SIPA1: variants seen among roughly 807,000 people sequenced by gnomAD.
SIPA1 encodes signal-induced proliferation-associated protein 1.
A neutral mutation model predicts 88.1 loss-of-function variants in SIPA1; 51 were observed. The ratio of observed to expected loss-of-function variants is 0.58; its 90% CI spans 0.46 to 0.73. SIPA1 has a LOEUF of 0.73. SIPA1 is among the 30% of genes least tolerant of loss of function. SIPA1 has a pLI of 0.00. For missense variants in SIPA1, 1,348 were observed against 1,467.6 expected, an observed-to-expected ratio of 0.92 and a Z score of 1.33; for synonymous variants, 681 against 664.8, an observed-to-expected ratio of 1.02 and a Z score of -0.37.
intron 4 of SIPA1, among the ~76,000 whole-genome samples, chr11:65,643,413 T>A (rs1364844338): frequency 6.6e-6 from 1 of 152,240 alleles, no homozygotes; most frequent in East Asian, 1.9e-4. Context: ...GCCCATTGGC[T>A]GAGTCTTCTC....
intron 4 of SIPA1, among the ~76,000 whole-genome samples, chr11:65,643,779 A>T (rs565150656): frequency 6.6e-6 from 1 of 151,236 alleles, no homozygotes; most frequent in East Asian, 1.9e-4. Flanking sequence ...ATGGCACATT[A>T]GGCAGTCAGT....
chr11:65,647,673 G>T lies in SIPA1; in HGVS notation c.2306+15G>T. 1 of 1,336,758 alleles carries T rather than the reference G, an allele frequency of 7.5e-7. No individual in the cohort carries two copies. Among genetic ancestry groups the T allele is most frequent in the South Asian group, 1.7e-5 (1 of 58,302 alleles). The allele number at this position is 1,336,758 out of a possible 1,614,324, so 82.8% of individuals were successfully genotyped here. The stretch of plus-strand genomic sequence containing the variant: ...CGGCCCCGCAGGTCAGGGTGCCGGG[G>T]ACGCGGGGAGGTGGGAGGGCCGGCA... On this transcript the variant is annotated intron_variant, in intron 9 of 15. Coordinates refer to ENST00000534313, the MANE Select transcript of SIPA1 (RefSeq NM_006747.4).
At chr11:65,638,612 G>A (rs1253342683) in intron 1 of SIPA1, among the ~76,000 whole-genome samples, 3 of 152,216 alleles carry the variant, frequency 2.0e-5, no homozygotes, top group African/African-American at 7.2e-5. Flanking sequence ...ATGGGGTCAT[G>A]ACCTCCAGAT....
In SIPA1 at chr11:65,649,593, A is replaced by G; in HGVS notation, c.2558A>G (p.Asn853Ser). The stretch of plus-strand genomic sequence containing the variant: ...TCGGATGAGGCCCCAGTCCTGCCCA[A>G]CACCACCCCGGACCTCCTCCTGGCC... ...SLSDEAPVLP[N>S]TTPDLLLATT... The change falls in exon 11 of 16, where the codon AAC becomes AGC. Residue 853 changes from asparagine (N) to serine (S), a missense_variant. By Grantham distance (46) the Asn-to-Ser change is conservative. Coordinates refer to ENST00000534313, the MANE Select transcript of SIPA1 (RefSeq NM_006747.4). 5.6e-6 allele frequency: 9 copies of G among 1,613,900 alleles called. No individual in the cohort carries two copies. The highest frequency in any genetic ancestry group is 7.6e-6 in the Non-Finnish European group (9 of 1,179,972).
chr11:65,650,176 C>T lies in SIPA1; in HGVS notation c.2887C>T (p.Pro963Ser), dbSNP rs1204430855. The T allele has an allele frequency of 1.2e-6, 2 of 1,614,092 alleles. No homozygotes were observed. The highest frequency in any genetic ancestry group is 1.7e-6 in the Non-Finnish European group (2 of 1,180,000). The change falls in exon 14 of 16, where the codon CCA (proline) becomes TCA (serine). Residue 963 changes from proline (P) to serine (S), a missense_variant. Pro to Ser is a moderately conservative substitution (Grantham distance 74). Coordinates refer to ENST00000534313, the MANE Select transcript of SIPA1 (RefSeq NM_006747.4). ...AGAGAGTGGAGACCCTAAGGGAACT[C>T]CAAAATCTGATGCTGAGTAAGCTCC... ...IPESGDPKGT[P>S]KSDAEPEPGN...
intron 9 of SIPA1, among the ~76,000 whole-genome samples, chr11:65,648,158 T>C (rs1303898567): frequency 6.6e-6 from 1 of 151,986 alleles, no homozygotes; most frequent in South Asian, 2.1e-4. Flanking sequence ...CAGGCGTGAG[T>C]CACCGCGCCC....
chr11:65,647,328 G>A (rs1462614963), intron 8 of SIPA1, 56 bp from the exon 9 acceptor site: 15 of 1,367,388 alleles, frequency 1.1e-5, no homozygotes, highest in Non-Finnish European at 1.4e-5. Flanking sequence ...GGGGGCGGGC[G>A]CTGGGGCGGC....
At position 65,649,552 on chromosome 11, in the gene SIPA1, T is replaced by C. The variant is rs1565183712; in HGVS notation, c.2526-9T>C. 1 of 1,613,960 alleles carries C rather than the reference T, an allele frequency of 6.2e-7. No individual in the cohort carries two copies. The highest frequency in any genetic ancestry group is 1.7e-5 in the Admixed American group (1 of 60,010). On this transcript the variant is annotated splice_polypyrimidine_tract_variant and intron_variant, in intron 10 of 15. Coordinates refer to ENST00000534313, the MANE Select transcript of SIPA1 (RefSeq NM_006747.4). ...GCTTCCCTTTCTGAGCCACCCCTGC[T>C]CTCCCCAGCTCTCTGTCGGATGAGG...
intron 12 of SIPA1, 29 bp downstream of exon 12, chr11:65,649,894 G>C (rs753457603): frequency 6.2e-7 from 1 of 1,613,236 alleles, no homozygotes; most frequent in Non-Finnish European, 8.5e-7. Context: ...GAGCAGGGGA[G>C]GGGTTGGGGG....
chr11:65,641,484 C>A lies in SIPA1; in HGVS notation c.563C>A (p.Ala188Glu). ...GGPASPPVPP[A>E]LPNAAVSILE... ...CCAGCATCCCCACCTGTGCCCCCTG[C>A]ACTGCCCAACGCGGCCGTGTCCATC... The change falls in exon 2 of 16, where the codon GCA becomes GAA. Residue 188 changes from alanine (A) to glutamate (E), a missense_variant. Ala to Glu is a moderately radical substitution (Grantham distance 107). This residue lies in a region of SIPA1 where 641 missense variants were observed against 797.7 expected (regional missense o/e 0.80). Coordinates refer to ENST00000534313, the MANE Select transcript of SIPA1 (RefSeq NM_006747.4). The A allele has an allele frequency of 6.2e-7, 1 of 1,612,176 alleles. No individual in the cohort carries two copies. Among genetic ancestry groups the A allele is most frequent in the South Asian group, 1.1e-5 (1 of 91,082 alleles).
intron 8 of SIPA1, 153 bp from the exon 9 acceptor site, chr11:65,647,231 G>A: frequency 7.2e-7 from 1 of 1,389,808 alleles, no homozygotes; most frequent in Non-Finnish European, 9.3e-7. Context: ...CCTCGGGTAA[G>A]CGACTTCTGG....
Position 65,650,037 on chromosome 11 carries a change from C to A in SIPA1, c.2834C>A (p.Ser945Ter), listed in dbSNP as rs374807704. 1.2e-6 allele frequency: 2 copies of A among 1,613,978 alleles called. No individual in the cohort carries two copies. Among genetic ancestry groups the A allele is most frequent in the Non-Finnish European group, 1.7e-6 (2 of 1,179,980 alleles). The part of the protein sequence containing the change: ...IASTCNTILE[S>*]LSREGQPIPE... Reference sequence around the variant, plus strand: ...TCTACTTGCAACACCATTCTGGAGTCGCTGTCCCGAGAGGGTGAGGCCACC... The same window carrying A: ...TCTACTTGCAACACCATTCTGGAGTAGCTGTCCCGAGAGGGTGAGGCCACC... Residue 945 changes from serine (S) to a stop codon, truncating the protein, a stop_gained, in exon 13 of 16, where the codon TCG (serine) becomes TAG (stop). Transcript: ENST00000534313. LOFTEE classifies it high-confidence loss of function.
intron 9 of SIPA1, 125 bp downstream of exon 9, chr11:65,647,783 A>G (rs987638995): frequency 1.5e-5 from 11 of 718,890 alleles, no homozygotes; most frequent in African/African-American, 3.8e-5. Context: ...TCTGGAAAGA[A>G]TCTCCCGTCT....
At position 65,641,587 on chromosome 11, in the gene SIPA1, C is replaced by T; in HGVS notation, c.666C>T (p.Tyr222=). The part of the protein sequence containing the change: ...ADLGAGYYRK[Y]FYGKEHQNFF... The stretch of plus-strand genomic sequence containing the variant: ...TGGGTGCTGGCTACTACCGCAAATA[C>T]TTCTATGGCAAAGGTGAGGAAAGGC... The change falls in exon 2 of 16, where the codon TAC becomes TAT. Residue 222 remains tyrosine (Y), a synonymous_variant. Transcript: ENST00000534313. 2 of 1,607,152 alleles carry T rather than the reference C, an allele frequency of 1.2e-6. No individual in the cohort carries two copies. The highest frequency in any genetic ancestry group is 1.7e-6 in the Non-Finnish European group (2 of 1,176,904).
rs200828887 is a variant in SIPA1, at chr11:65,641,112, C to T, written c.191C>T (p.Thr64Met). Residue 64 changes from threonine (T) to methionine (M), a missense_variant, in exon 2 of 16, where the codon ACG becomes ATG. Coordinates refer to ENST00000534313, the MANE Select transcript of SIPA1 (RefSeq NM_006747.4). ...GSDAGEARPP[T>M]PASPRARAHS... ...GATGCAGGCGAGGCCAGGCCCCCCA[C>T]GCCAGCCAGCCCCCGTGCCCGTGCC... The T allele has an allele frequency of 7.0e-4, 1,124 of 1,601,156 alleles. 4 individuals are homozygous for T. The highest frequency in any genetic ancestry group is 5.3e-3 in the Middle Eastern group (31 of 5,882).
chr11:65,649,878 C>T lies in SIPA1; in HGVS notation c.2746+13C>T. ...TCCATCAGCAGGAGTGAGTCTGGAC[C>T]CAGGAGAGCAGGGGAGGGGTTGGGG... On this transcript the variant is annotated intron_variant, in intron 12 of 15. Transcript: ENST00000534313. 1 of 1,613,814 alleles carries T rather than the reference C, an allele frequency of 6.2e-7. No individual in the cohort carries two copies.
intron 5 of SIPA1, 32 bp from the exon 6 acceptor site, chr11:65,645,822 C>G (rs1856099648): frequency 6.6e-7 from 1 of 1,526,254 alleles, no homozygotes; most frequent in Non-Finnish European, 9.0e-7. Context: ...CCCTTGTTTT[C>G]TCCTTCTGTG....
chr11:65,650,521 C>CTTT (rs1856245106), intron 15 of SIPA1, 42 bp downstream of exon 15: 1 of 1,612,914 alleles, frequency 6.2e-7, no homozygotes, highest in Non-Finnish European at 8.5e-7. Flanking sequence ...CAGGGCTGCC[C>CTTT]CAGGAAAGGG....
At position 65,641,288 on chromosome 11, in the gene SIPA1, A is replaced by G. The variant is rs1590917647; in HGVS notation, c.367A>G (p.Ser123Gly). 2 of 1,613,640 alleles carry G rather than the reference A, an allele frequency of 1.2e-6. No homozygotes were observed. Among genetic ancestry groups the G allele is most frequent in the Non-Finnish European group, 1.7e-6 (2 of 1,180,018 alleles). ...PRWFAHYDVQ[S>G]LLFDWAPRSQ... is the part of the protein sequence containing the mutation. ...ATGGTTTGCCCACTATGACGTGCAA[A>G]GCCTGCTCTTTGATTGGGCTCCGAG... Residue 123 changes from serine (S) to glycine (G), a missense_variant, in exon 2 of 16, where the codon AGC (serine) becomes GGC (glycine). This residue lies in a region of SIPA1 where 641 missense variants were observed against 797.7 expected (regional missense o/e 0.80). Coordinates refer to ENST00000534313, the MANE Select transcript of SIPA1 (RefSeq NM_006747.4).
Sources: gnomAD v4.1 joint callset for allele counts (sites outside exome capture counted in the v4.1 genomes callset) on GRCh38, gnomAD v4.1.1 for gene constraint, gnomAD v4.1.1 regional missense constraint, MANE v1.5 for transcripts, NCBI Gene and HGNC (gene_info 2026-07-23, HGNC 2026-07-21) for gene names.